Variants in LUZP2 observed in about 807,000 individuals in gnomAD.
The protein encoded by LUZP2 is leucine zipper protein 2.
In LUZP2, 52 loss-of-function variants were observed where a neutral mutation model predicts 51.6. The observed-to-expected ratio is 1.01, with a 90% CI of 0.81 to 1.27. The LOEUF (loss-of-function observed/expected upper bound fraction) is 1.27. Among genes scored for constraint, LUZP2 ranks in the 50% most tolerant of loss-of-function variants. The pLI is 0.00. For missense variants in LUZP2, 436 were observed against 395.4 expected (o/e 1.10, Z -0.87); for synonymous variants, 154 against 137.3 (o/e 1.12, Z -0.85).
At chr11:24,889,260 G>A (rs1007513889) in intron 5 of LUZP2, among the ~76,000 whole-genome samples, 10 of 152,124 alleles carry the variant, frequency 6.6e-5, no homozygotes, top group East Asian at 1.9e-4. Context: ...GTGGGTGGGG[G>A]GCAAAAATAT....
chr11:24,603,621 T>C (rs1358324107), intron 1 of LUZP2, among the ~76,000 whole-genome samples: 1 of 151,870 alleles, frequency 6.6e-6, no homozygotes, highest in African/African-American at 2.4e-5. Context: ...TACATATAAA[T>C]ATAAGTATAC....
At chr11:24,730,598 A>G (rs1169057135) in intron 2 of LUZP2, among the ~76,000 whole-genome samples, 1 of 151,810 alleles carries the variant, frequency 6.6e-6, no homozygotes, top group Non-Finnish European at 1.5e-5. Context: ...AAATTCACCA[A>G]GTGAATAAGA....
At chr11:24,786,077 G>T in intron 5 of LUZP2, 1 of 985,152 alleles carries the variant, frequency 1.0e-6, no homozygotes, top group South Asian at 4.7e-5. Context: ...TTTTTCATCG[G>T]CTGGCACCTG....
intron 1 of LUZP2, among the ~76,000 whole-genome samples, chr11:24,646,052 T>G (rs1434645400): frequency 6.6e-6 from 1 of 152,012 alleles, no homozygotes; most frequent in African/African-American, 2.4e-5. Context: ...TTAGGTTGGT[T>G]ACAGTTCTGA....
At chr11:24,561,382 T>G (rs955320849) in intron 1 of LUZP2, among the ~76,000 whole-genome samples, 3 of 152,148 alleles carry the variant, frequency 2.0e-5, no homozygotes, top group Non-Finnish European at 4.4e-5. Context: ...TTATAAAATT[T>G]TTATGAAATT....
chr11:24,691,731 T>C (rs1857073010), intron 1 of LUZP2, among the ~76,000 whole-genome samples: 1 of 152,086 alleles, frequency 6.6e-6, no homozygotes, highest in Non-Finnish European at 1.5e-5. Flanking sequence ...AGTTGTTATT[T>C]GGGAACTTGT....
intron 7 of LUZP2, among the ~76,000 whole-genome samples, chr11:24,956,432 G>C (rs1855211953): frequency 6.6e-6 from 1 of 152,102 alleles, no homozygotes; most frequent in Non-Finnish European, 1.5e-5. Context: ...AAGCCACTAA[G>C]CTTGATGATT....
intron 10 of LUZP2, among the ~76,000 whole-genome samples, chr11:25,068,585 A>C (rs1160824386): frequency 6.6e-6 from 1 of 151,998 alleles, no homozygotes; most frequent in African/African-American, 2.4e-5. Context: ...GAAGAGTCAT[A>C]CTGATGACAT....
chr11:24,714,258 A>G (rs1857951564), intron 1 of LUZP2, among the ~76,000 whole-genome samples: 1 of 152,086 alleles, frequency 6.6e-6, no homozygotes, highest in Non-Finnish European at 1.5e-5. Flanking sequence ...ACGTATACCT[A>G]TGTAACAAAC....
chr11:24,851,855 A>C (rs935013688), intron 5 of LUZP2, among the ~76,000 whole-genome samples: 5 of 152,158 alleles, frequency 3.3e-5, no homozygotes, highest in Admixed American at 3.3e-4. Context: ...GGAGGGTGTT[A>C]AGTGTCCAGG....
rs1853837140 is a variant in LUZP2 at position 24,917,643 on chromosome 11, G to A, written c.522+3105G>A. ...CAGGTTTGTCAAAGATCAGATGGTT[G>A]TAGATGTGTGGTATTATTTCTGAGG... On this transcript the variant is annotated intron_variant, in intron 7 of 11. Coordinates refer to ENST00000336930, the MANE Select transcript of LUZP2 (RefSeq NM_001009909.4). Among the ~76,000 whole-genome samples, 5 of 152,090 alleles carry A rather than the reference G, an allele frequency of 3.3e-5. No homozygotes were observed. The South Asian group carries it at 1.0e-3, about 32-fold the overall frequency.
intron 9 of LUZP2, among the ~76,000 whole-genome samples, chr11:25,020,512 G>T (rs1184688995): frequency 6.6e-6 from 1 of 151,792 alleles, no homozygotes; most frequent in Non-Finnish European, 1.5e-5. Flanking sequence ...ACTCATTCTT[G>T]CAGCACTATG....
chr11:24,935,682 A>G (rs1009206496), intron 7 of LUZP2, among the ~76,000 whole-genome samples: 1 of 152,184 alleles, frequency 6.6e-6, no homozygotes, highest in African/African-American at 2.4e-5. Flanking sequence ...TAAAAAAGAA[A>G]GATTAGTGAA....
At chr11:24,551,992 C>T (rs12221725) in intron 1 of LUZP2, among the ~76,000 whole-genome samples, 21,811 of 151,884 alleles carry the variant, frequency 0.14, 1,696 homozygotes, top group South Asian at 0.2. Flanking sequence ...TGGCTGTACA[C>T]ATAAATTCTG....
intron 1 of LUZP2, among the ~76,000 whole-genome samples, chr11:24,618,620 T>C (rs1225633617): frequency 6.6e-6 from 1 of 152,206 alleles, no homozygotes; most frequent in Non-Finnish European, 1.5e-5. Context: ...TCTTCTTCAA[T>C]TCCAAGTCTG....
intron 1 of LUZP2, among the ~76,000 whole-genome samples, chr11:24,583,311 C>T (rs1183850676): frequency 1.3e-5 from 2 of 152,122 alleles, no homozygotes; most frequent in Non-Finnish European, 2.9e-5. Flanking sequence ...TTGCCAGCAA[C>T]CGACTTACAC....
At chr11:24,567,404 T>G (rs1316338178) in intron 1 of LUZP2, among the ~76,000 whole-genome samples, 1 of 151,932 alleles carries the variant, frequency 6.6e-6, no homozygotes, top group Non-Finnish European at 1.5e-5. Flanking sequence ...GTAAAATAAA[T>G]GAACAGATTT....
At chr11:24,774,440 T>C (rs1848853124) in intron 5 of LUZP2, among the ~76,000 whole-genome samples, 1 of 135,032 alleles carries the variant, frequency 7.4e-6, no homozygotes, top group Non-Finnish European at 1.6e-5. Flanking sequence ...AGGGAGAATA[T>C]ATATATAAAG....
chr11:24,949,326 A>C (rs749426560), intron 7 of LUZP2, among the ~76,000 whole-genome samples: 1 of 36,364 alleles, frequency 2.7e-5, no homozygotes, highest in South Asian at 8.5e-4. Flanking sequence ...CTATCTATCT[A>C]TCTATCTCTC....
Sources: allele counts gnomAD v4.1 joint callset (sites outside exome capture counted in the v4.1 genomes callset), GRCh38; gene constraint gnomAD v4.1.1; transcripts MANE v1.5; gene names NCBI Gene and HGNC (gene_info 2026-07-23, HGNC 2026-07-21).